Variants in ZNF804B observed in about 807,000 individuals in gnomAD.
ZNF804B encodes zinc finger protein 804B, also known as zinc finger 804B.
Under a neutral mutation model 101.4 loss-of-function variants are expected in ZNF804B, and 80 were observed. The observed-to-expected ratio is 0.79, with a 90% confidence interval of 0.66 to 0.95. The LOEUF (loss-of-function observed/expected upper bound fraction) is 0.95. Among genes scored for constraint, ZNF804B ranks in the 40% least tolerant of loss-of-function variants. ZNF804B has a pLI of 0.00. For missense variants in ZNF804B, 1,673 were observed against 1,561.9 expected, an observed-to-expected ratio of 1.07 and a Z score of -1.20; for synonymous variants, 622 against 558.8, an observed-to-expected ratio of 1.11 and a Z score of -1.59.
chr7:88,818,080 A>G (rs901162098), intron 1 of ZNF804B, among the ~76,000 whole-genome samples: 7 of 152,202 alleles, frequency 4.6e-5, no homozygotes, highest in Admixed American at 4.6e-4. Context: ...TAGGTTTTTC[A>G]GTGACTGTAA....
chr7:89,130,227 G>A (rs1790528314), intron 1 of ZNF804B, among the ~76,000 whole-genome samples: 1 of 152,020 alleles, frequency 6.6e-6, no homozygotes, highest in East Asian at 1.9e-4. Flanking sequence ...CAGGCTGTAT[G>A]AGAGAGTTAT....
At chr7:88,872,680 T>C (rs1791850172) in intron 1 of ZNF804B, among the ~76,000 whole-genome samples, 1 of 151,176 alleles carries the variant, frequency 6.6e-6, no homozygotes, top group African/African-American at 2.4e-5. Flanking sequence ...CCATGTGTTC[T>C]CATTGTTCAA....
chr7:89,258,696 A>G lies in ZNF804B; in HGVS notation c.249+40401A>G, dbSNP rs371774851. On this transcript the variant is annotated intron_variant, in intron 2 of 3. Transcript: ENST00000333190. ...CTACTGTTGACCACAAGCCTTAACA[A>G]TAACATAAACAGTTAACACATATTT... 1.2e-4 allele frequency among the ~76,000 whole-genome samples: 18 copies of G among 152,328 alleles called. No individual in the cohort carries two copies. The South Asian group carries it at 3.7e-3, about 32-fold the overall frequency.
chr7:89,062,072 A>G (rs540260727), intron 1 of ZNF804B, among the ~76,000 whole-genome samples: 1 of 152,222 alleles, frequency 6.6e-6, no homozygotes, highest in East Asian at 1.9e-4. Flanking sequence ...TCCAGGAGGC[A>G]TCATCATGAT....
intron 2 of ZNF804B, among the ~76,000 whole-genome samples, chr7:89,218,929 CA>C (rs1788938632): frequency 1.3e-5 from 2 of 151,984 alleles, no homozygotes; most frequent in African/African-American, 2.4e-5. Context: ...CTTGCTGTCT[CA>C]GGGGTGGCAG....
chr7:89,227,590 T>C (rs555920855), intron 2 of ZNF804B, among the ~76,000 whole-genome samples: 2 of 152,268 alleles, frequency 1.3e-5, no homozygotes, highest in South Asian at 2.1e-4. Context: ...GTACAGAGAA[T>C]ACAGTGGGGT....
At chr7:89,139,996 A>G (rs1358220174) in intron 1 of ZNF804B, among the ~76,000 whole-genome samples, 2 of 152,084 alleles carry the variant, frequency 1.3e-5, no homozygotes, top group Non-Finnish European at 2.9e-5. Flanking sequence ...TCTTACTTCA[A>G]TAATAAGACT....
chr7:89,231,625 C>T (rs1789192596), intron 2 of ZNF804B, among the ~76,000 whole-genome samples: 1 of 151,878 alleles, frequency 6.6e-6, no homozygotes, highest in Non-Finnish European at 1.5e-5. Flanking sequence ...TTGCAGAAAT[C>T]TTGTGTAGTT....
chr7:88,951,202 T>A (rs1469253736), intron 1 of ZNF804B, among the ~76,000 whole-genome samples: 1 of 151,902 alleles, frequency 6.6e-6, no homozygotes. Flanking sequence ...TTCTTTTCTA[T>A]GTTAGTGCTT....
chr7:89,073,214 G>A (rs950942638), intron 1 of ZNF804B, among the ~76,000 whole-genome samples: 1 of 151,974 alleles, frequency 6.6e-6, no homozygotes, highest in Non-Finnish European at 1.5e-5. Context: ...CTAATCAGTT[G>A]GTAGAAACTG....
At chr7:88,936,072 C>A (rs575656820) in intron 1 of ZNF804B, among the ~76,000 whole-genome samples, 1 of 147,856 alleles carries the variant, frequency 6.8e-6, no homozygotes, top group East Asian at 2.0e-4. Context: ...CTTTCCCCTT[C>A]TCTCTCCTTC....
intron 1 of ZNF804B, among the ~76,000 whole-genome samples, chr7:89,108,787 A>G (rs1278188963): frequency 6.6e-6 from 1 of 152,170 alleles, no homozygotes; most frequent in Non-Finnish European, 1.5e-5. Context: ...AAGATCAAGA[A>G]GAGTGCTCAC....
intron 1 of ZNF804B, among the ~76,000 whole-genome samples, chr7:89,085,625 T>C (rs904695420): frequency 3.3e-5 from 5 of 151,918 alleles, no homozygotes; most frequent in Admixed American, 6.6e-5. Context: ...CCTCATTCCA[T>C]ATGCCTTACA....
intron 1 of ZNF804B, among the ~76,000 whole-genome samples, chr7:89,000,346 G>T (rs910407589): frequency 5.3e-5 from 8 of 151,934 alleles, no homozygotes; most frequent in African/African-American, 1.9e-4. Flanking sequence ...ATAATCTGCA[G>T]CAATAACAAA....
chr7:89,125,347 CTA>C, intron 1 of ZNF804B, among the ~76,000 whole-genome samples: 1 of 151,698 alleles, frequency 6.6e-6, no homozygotes, highest in Non-Finnish European at 1.5e-5. Context: ...TATTATATAT[CTA>C]TGTGTATATG....
At chr7:88,783,566 C>G (rs909370707) in intron 1 of ZNF804B, among the ~76,000 whole-genome samples, 4 of 151,950 alleles carry the variant, frequency 2.6e-5, no homozygotes, top group African/African-American at 9.7e-5. Flanking sequence ...TGATCATTGT[C>G]GAAGGTGAGT....
chr7:88,839,680 G>A (rs141713334), intron 1 of ZNF804B, among the ~76,000 whole-genome samples: 330 of 151,848 alleles, frequency 2.2e-3, no homozygotes, highest in Non-Finnish European at 3.9e-3. Context: ...ACAGTCTTTG[G>A]AATCATATAA....
chr7:89,137,827 A>G (rs62461868), intron 1 of ZNF804B, among the ~76,000 whole-genome samples: 19,611 of 152,102 alleles, frequency 0.13, 1,399 homozygotes, highest in Non-Finnish European at 0.15. Flanking sequence ...AGGTCTTCAG[A>G]CAAGGCAGCA....
chr7:89,165,557 A>G (rs568392658), intron 1 of ZNF804B, among the ~76,000 whole-genome samples: 1 of 152,222 alleles, frequency 6.6e-6, no homozygotes, highest in African/African-American at 2.4e-5. Context: ...TTAAGATAGG[A>G]GTTTTAGCAT....
Sources: gnomAD v4.1 joint callset for allele counts (sites outside exome capture counted in the v4.1 genomes callset) on GRCh38, gnomAD v4.1.1 for gene constraint, MANE v1.5 for transcripts, NCBI Gene and HGNC (gene_info 2026-07-23, HGNC 2026-07-21) for gene names.